HDAC9: variants seen among roughly 807,000 people sequenced by gnomAD.
HDAC9 encodes histone deacetylase 9, also known as MEF-2 interacting transcription repressor (MITR) protein.
In HDAC9, 41 loss-of-function variants were observed where a neutral mutation model predicts 139.4. That is an observed-to-expected ratio of 0.29 (90% CI 0.23 to 0.38). The LOEUF is 0.38. Among genes scored for constraint, HDAC9 ranks in the 10% least tolerant of loss-of-function variants. The pLI is 1.00. For missense variants in HDAC9, 1,147 were observed against 1,297.0 expected (o/e 0.88, Z 1.78); for synonymous variants, 517 against 476.2 (o/e 1.09, Z -1.12).
At chr7:18,957,538 A>G (rs564626713) in intron 24 of HDAC9, among the ~76,000 whole-genome samples, 4 of 152,260 alleles carry the variant, frequency 2.6e-5, no homozygotes, top group Non-Finnish European at 4.4e-5. Flanking sequence ...CCTTTGGCAG[A>G]GAAAGTGGTA....
intron 12 of HDAC9, among the ~76,000 whole-genome samples, chr7:18,684,283 A>C (rs1167583379): frequency 1.3e-5 from 2 of 151,626 alleles, no homozygotes; most frequent in Non-Finnish European, 1.5e-5. Context: ...TATTTAACTC[A>C]TGAGGACCAG....
chr7:18,602,050 AAGT>A (rs1345876182), intron 6 of HDAC9, among the ~76,000 whole-genome samples: 5 of 152,122 alleles, frequency 3.3e-5, no homozygotes, highest in Non-Finnish European at 7.4e-5. Context: ...TTTACACTTT[AAGT>A]ATTTGGTAAA....
intron 5 of HDAC9, among the ~76,000 whole-genome samples, chr7:18,593,034 A>T (rs1292799904): frequency 6.6e-6 from 1 of 152,116 alleles, no homozygotes; most frequent in Non-Finnish European, 1.5e-5. Flanking sequence ...ATGAAATTGA[A>T]CTTCAGTAGA....
intron 12 of HDAC9, among the ~76,000 whole-genome samples, chr7:18,723,352 C>T (rs1012876757): frequency 2.7e-4 from 41 of 152,276 alleles, no homozygotes; most frequent in Non-Finnish European, 2.6e-4. Context: ...GTCATCTCTT[C>T]ATGGAACTTA....
chr7:18,652,610 T>C (rs1030008535), intron 11 of HDAC9, among the ~76,000 whole-genome samples: 1 of 152,100 alleles, frequency 6.6e-6, no homozygotes, highest in African/African-American at 2.4e-5. Context: ...CCATGCCCCA[T>C]CCCCTTGACA....
At chr7:18,303,969 T>A (rs1358825374) in intron 1 of HDAC9, among the ~76,000 whole-genome samples, 2 of 152,226 alleles carry the variant, frequency 1.3e-5, no homozygotes, top group African/African-American at 4.8e-5. Context: ...AAGAAACTTC[T>A]CTGTTGTTTA....
chr7:18,788,370 G>T (rs1312177901), intron 16 of HDAC9, among the ~76,000 whole-genome samples: 3 of 152,186 alleles, frequency 2.0e-5, no homozygotes, highest in Non-Finnish European at 2.9e-5. Flanking sequence ...TCTCAGGAAT[G>T]CTGTAGCTTA....
At chr7:18,431,204 T>C (rs1250588730) in intron 1 of HDAC9, among the ~76,000 whole-genome samples, 2 of 152,146 alleles carry the variant, frequency 1.3e-5, no homozygotes, top group African/African-American at 4.8e-5. Flanking sequence ...AATTAAATAG[T>C]AAGGAACTTA....
chr7:18,677,523 T>G (rs1294825624), intron 12 of HDAC9, among the ~76,000 whole-genome samples: 1 of 151,948 alleles, frequency 6.6e-6, no homozygotes, highest in Non-Finnish European at 1.5e-5. Flanking sequence ...AGTTGTACAC[T>G]AAGTATAGGT....
chr7:18,858,713 A>G (rs2129230609), intron 21 of HDAC9, among the ~76,000 whole-genome samples: 2 of 152,340 alleles, frequency 1.3e-5, no homozygotes, highest in Middle Eastern at 3.4e-3. Flanking sequence ...AAATAATAAA[A>G]CTACTCTATC....
intron 21 of HDAC9, 64 bp from the exon 22 acceptor site, chr7:18,874,414 A>T: frequency 2.0e-6 from 2 of 998,392 alleles, no homozygotes; most frequent in Non-Finnish European, 1.5e-6. Flanking sequence ...GGTCGTTTTC[A>T]CTGAACGATT....
At chr7:18,112,938 T>C (rs1783723771) in intron 1 of HDAC9, among the ~76,000 whole-genome samples, 1 of 152,064 alleles carries the variant, frequency 6.6e-6, no homozygotes, top group Admixed American at 6.6e-5. Flanking sequence ...GTGTTTTTCC[T>C]TGAGTGGAAA....
chr7:18,089,658 G>A (rs1258096183), intron 1 of HDAC9, among the ~76,000 whole-genome samples: 4 of 151,738 alleles, frequency 2.6e-5, no homozygotes, highest in African/African-American at 9.7e-5. Context: ...CTTTTTATTA[G>A]AATTACTTCT....
intron 1 of HDAC9, among the ~76,000 whole-genome samples, chr7:18,345,833 G>A (rs1053128275): frequency 6.6e-6 from 1 of 151,662 alleles, no homozygotes; most frequent in African/African-American, 2.4e-5. Context: ...CTGTATTTTT[G>A]GGATTTTACT....
At position 18,591,743 on chromosome 7, in the gene HDAC9, G is replaced by T. The variant is rs955633363; in HGVS notation, c.542+101G>T. 14 of 1,474,830 alleles carry T rather than the reference G, an allele frequency of 9.5e-6. No individual in the cohort carries two copies. In the South Asian group the frequency reaches 1.2e-4, roughly 13 times the overall value. 91.4% of individuals were successfully genotyped at this position (1,474,830 alleles called of 1,614,324 possible). On this transcript the variant is annotated intron_variant, in intron 5 of 25. Transcript: ENST00000686413. ...ATCCTTAGCCTGCCATTTCTCAGCT[G>T]TCTGGCTGTGGGCAAGTTCCTTCAG...
chr7:18,164,527 A>G (rs1359365695), intron 2 of HDAC9, among the ~76,000 whole-genome samples: 1 of 152,234 alleles, frequency 6.6e-6, no homozygotes, highest in Non-Finnish European at 1.5e-5. Context: ...AAAGAAAAAT[A>G]GACTCACTTC....
intron 2 of HDAC9, among the ~76,000 whole-genome samples, chr7:18,528,037 T>TC (rs1283199224): frequency 6.6e-6 from 1 of 152,064 alleles, no homozygotes; most frequent in Non-Finnish European, 1.5e-5. Flanking sequence ...ACTTCTGTAA[T>TC]CCCAGCAATT....
At chr7:18,513,119 T>C (rs1802063118) in intron 2 of HDAC9, among the ~76,000 whole-genome samples, 1 of 152,240 alleles carries the variant, frequency 6.6e-6, no homozygotes. Flanking sequence ...TATCTATGTT[T>C]GCAATACTGT....
chr7:18,408,016 C>T (rs968453427), intron 1 of HDAC9, among the ~76,000 whole-genome samples: 2 of 152,132 alleles, frequency 1.3e-5, no homozygotes, highest in African/African-American at 4.8e-5. Context: ...CTCATACTTA[C>T]ATCGTACTTA....
Sources: allele counts gnomAD v4.1 joint callset (sites outside exome capture counted in the v4.1 genomes callset), GRCh38; gene constraint gnomAD v4.1.1; transcripts MANE v1.5; gene names NCBI Gene and HGNC (gene_info 2026-07-23, HGNC 2026-07-21).